ATP11A: variants seen among roughly 807,000 people sequenced by gnomAD.
ATP11A encodes the protein phospholipid-transporting ATPase IH.
Under a neutral mutation model 154.4 loss-of-function variants are expected in ATP11A, and 81 were observed. That is an observed-to-expected ratio of 0.52 (90% CI 0.44 to 0.63). ATP11A has a LOEUF of 0.63. Ranked by LOEUF, ATP11A falls within the 30% of genes least tolerant of loss-of-function variation. The pLI is 0.00. For missense variants in ATP11A, 1,316 were observed against 1,474.3 expected (o/e 0.89, Z 1.76); for synonymous variants, 623 against 585.9 (o/e 1.06, Z -0.91).
chr13:112,832,096 C>T (rs902461092), intron 13 of ATP11A, among the ~76,000 whole-genome samples: 13 of 152,148 alleles, frequency 8.5e-5, no homozygotes, highest in Admixed American at 3.3e-4. Flanking sequence ...CTCTCACACA[C>T]GCCCAGTTAC....
chr13:112,768,886 G>A (rs2139931391), intron 1 of ATP11A, among the ~76,000 whole-genome samples: 1 of 152,322 alleles, frequency 6.6e-6, no homozygotes, highest in Non-Finnish European at 1.5e-5. Flanking sequence ...CGGAGTTGCT[G>A]CTCATTCTCA....
intron 28 of ATP11A, among the ~76,000 whole-genome samples, chr13:112,876,363 T>G (rs975785675): frequency 3.3e-5 from 5 of 151,862 alleles, no homozygotes; most frequent in Non-Finnish European, 7.4e-5. Context: ...CACTCCCAAG[T>G]TTTAGGCACA....
intron 2 of ATP11A, among the ~76,000 whole-genome samples, chr13:112,801,977 G>T (rs1435359066): frequency 3.9e-5 from 6 of 152,194 alleles, no homozygotes; most frequent in Admixed American, 3.9e-4. Context: ...CCAAGTTGGA[G>T]AACTGACACT....
rs1356740606 is a variant in ATP11A, at chr13:112,702,158, C to CAAAA, written c.39+11705_39+11706insAAAA. On this transcript the variant is annotated intron_variant, in intron 1 of 29. Transcript: ENST00000375645. ...GTCAGGAGTTCGAGATCAGCCTGGCCAATGTGGAGAAATCCTGTCTCTACT... is the reference window on the plus strand; with the variant it reads ...GTCAGGAGTTCGAGATCAGCCTGGCCAAAAAATGTGGAGAAATCCTGTCTCTACT... Among the ~76,000 whole-genome samples, 3 of 151,740 alleles carry CAAAA rather than the reference C, an allele frequency of 2.0e-5. No individual in the cohort carries two copies. In the South Asian group the frequency reaches 6.3e-4, roughly 32 times the overall value.
rs2079905570 is a variant in ATP11A, at chr13:112,855,845, A to G, written c.2244-66A>G. The G allele has an allele frequency of 2.8e-6, 4 of 1,451,906 alleles. No homozygotes were observed. In the Admixed American group the frequency reaches 6.7e-5, roughly 24 times the overall value. The allele number at this position is 1,451,906 out of a possible 1,614,324, so 89.9% of individuals were successfully genotyped here. ...TAGCATCTGTCGATATCCAAAAACA[A>G]TACAGTCTTCTAAAATCTATAGATT... On this transcript the variant is annotated intron_variant, in intron 19 of 29. Transcript: ENST00000375645.
intron 5 of ATP11A, among the ~76,000 whole-genome samples, chr13:112,811,161 A>AAC (rs10695491): frequency 0.13 from 15,546 of 115,498 alleles, 1,201 homozygotes; most frequent in East Asian, 0.21. Context: ...TGCCCCTTCC[A>AAC]ACACACACAC....
intron 1 of ATP11A, among the ~76,000 whole-genome samples, chr13:112,757,073 TTTTA>T (rs1457044939): frequency 6.6e-6 from 1 of 152,268 alleles, no homozygotes; most frequent in Non-Finnish European, 1.5e-5. Context: ...GCTAAGTGCT[TTTTA>T]TTTATTTAGG....
At chr13:112,798,690 G>A (rs2078060370) in intron 2 of ATP11A, among the ~76,000 whole-genome samples, 1 of 152,146 alleles carries the variant, frequency 6.6e-6, no homozygotes, top group Admixed American at 6.5e-5. Flanking sequence ...TCTAAGACAG[G>A]AGAGAAAATA....
At chr13:112,747,865 A>C (rs1892362519) in intron 1 of ATP11A, among the ~76,000 whole-genome samples, 1 of 152,174 alleles carries the variant, frequency 6.6e-6, no homozygotes, top group African/African-American at 2.4e-5. Context: ...AAACGAAGGA[A>C]CACAGGATTG....
chr13:112,792,397 G>A (rs903638158), intron 2 of ATP11A, among the ~76,000 whole-genome samples: 2 of 152,120 alleles, frequency 1.3e-5, no homozygotes, highest in African/African-American at 2.4e-5. Flanking sequence ...TTGTGATAAT[G>A]TATCTATGTT....
At chr13:112,800,331 A>G (rs2140113300) in intron 2 of ATP11A, among the ~76,000 whole-genome samples, 1 of 152,294 alleles carries the variant, frequency 6.6e-6, no homozygotes, top group African/African-American at 2.4e-5. Flanking sequence ...TACTGGTAAC[A>G]TGGCTAATAA....
At chr13:112,726,353 G>T (rs1382412615) in intron 1 of ATP11A, among the ~76,000 whole-genome samples, 2 of 151,788 alleles carry the variant, frequency 1.3e-5, no homozygotes, top group African/African-American at 4.8e-5. Flanking sequence ...CTGCATGCGT[G>T]CAGGGAGAGG....
rs577886784 is a variant in ATP11A, at chr13:112,825,297, C to T, written c.873-133C>T. ...CAAGTGCAGAGGACCCACCGTGGTG[C>T]GTTGAGGGCGAACACATCACTGTGC... On this transcript the variant is annotated intron_variant, in intron 10 of 29. Transcript: ENST00000375645. 1.7e-5 allele frequency: 16 copies of T among 968,688 alleles called. No individual in the cohort carries two copies. The East Asian group carries it at 2.2e-4, about 13-fold the overall frequency. 60.0% of individuals were successfully genotyped at this position (968,688 alleles called of 1,614,324 possible).
chr13:112,871,903 C>A, intron 26 of ATP11A, 103 bp downstream of exon 26: 1 of 1,239,524 alleles, frequency 8.1e-7, no homozygotes, highest in Non-Finnish European at 1.2e-6. Context: ...TGTACTGAGG[C>A]TGGAAGCCAC....
intron 27 of ATP11A, among the ~76,000 whole-genome samples, chr13:112,874,093 C>T (rs2080637185): frequency 6.6e-6 from 1 of 152,256 alleles, no homozygotes. Context: ...GCCAGGCATT[C>T]GACAGGTCCT....
At chr13:112,872,373 G>T (rs963853989) in intron 26 of ATP11A, among the ~76,000 whole-genome samples, 3 of 152,208 alleles carry the variant, frequency 2.0e-5, no homozygotes, top group African/African-American at 7.2e-5. Flanking sequence ...CACTTTGGGA[G>T]GCCAAGGTGG....
rs937294084 is a variant in ATP11A, at chr13:112,885,853, C to T, written c.*3987C>T. 6.6e-6 allele frequency: 1 copy of T among 152,318 alleles called. No individual in the cohort carries two copies. The highest frequency in any genetic ancestry group is 1.5e-5 in the Non-Finnish European group (1 of 68,100). The allele number at this position is 152,318 out of a possible 1,614,324, so 9.4% of individuals were successfully genotyped here. A position where few individuals can be genotyped will look rare whatever the true frequency, so the allele number is the denominator to read the frequency against. On this transcript the variant is annotated 3_prime_UTR_variant, in exon 30 of 30. Coordinates refer to ENST00000375645, the MANE Select transcript of ATP11A (RefSeq NM_015205.3). Reference sequence around the variant, plus strand: ...AAGAGTCCCCCTCCTGGCAGAATGTCTGGGCTTTGCAGAGCAGGCCCCGGG... The same window carrying T: ...AAGAGTCCCCCTCCTGGCAGAATGTTTGGGCTTTGCAGAGCAGGCCCCGGG...
At chr13:112,769,699 C>T (rs1156406135) in intron 1 of ATP11A, among the ~76,000 whole-genome samples, 1 of 152,188 alleles carries the variant, frequency 6.6e-6, no homozygotes, top group African/African-American at 2.4e-5. Context: ...GGAAAGCTGC[C>T]GATTTCTAGC....
chr13:112,879,729 C>T (rs1278765), intron 29 of ATP11A, among the ~76,000 whole-genome samples: 146,695 of 152,356 alleles, frequency 0.96, 70,682 homozygotes, highest in East Asian at 1. Flanking sequence ...GCCGTGGCGC[C>T]GAGACCACCT....
Sources: allele counts gnomAD v4.1 joint callset (sites outside exome capture counted in the v4.1 genomes callset), GRCh38; gene constraint gnomAD v4.1.1; transcripts MANE v1.5; gene names NCBI Gene and HGNC (gene_info 2026-07-23, HGNC 2026-07-21).